The following DLG2 variants were observed in gnomAD, a reference collection of about 807,000 sequenced individuals.
DLG2 encodes discs large MAGUK scaffold protein 2.
DLG2 carries 45 observed loss-of-function variants against 132.5 expected under a neutral mutation model. The observed-to-expected ratio is 0.34, with a 90% CI of 0.27 to 0.44. The LOEUF (loss-of-function observed/expected upper bound fraction) is 0.44. Among genes scored for constraint, DLG2 ranks in the 20% least tolerant of loss-of-function variants. The pLI, the probability that DLG2 is intolerant of heterozygous loss-of-function variation, is 1.00. For synonymous variants in DLG2, 424 were observed against 419.6 expected (o/e 1.01, Z -0.13); for missense variants, 1,045 against 1,196.9 (o/e 0.87, Z 1.87).
Position 84,453,073 on chromosome 11 carries a change from A to G in DLG2, c.519+81497T>C, listed in dbSNP as rs533332085. On this transcript the variant is annotated intron_variant, in intron 7 of 27. Transcript: ENST00000376104. ...TATATCTACTATGTATAAATTTTCA[A>G]AAAAAAATAAATTTAAAAAAAGAAG... Among the ~76,000 whole-genome samples, 18 of 151,474 alleles carry G rather than the reference A, an allele frequency of 1.2e-4. 1 individual carries two copies. In the South Asian group the frequency reaches 3.5e-3, roughly 30 times the overall value.
At chr11:84,892,875 C>T (rs2089624607) in intron 6 of DLG2, among the ~76,000 whole-genome samples, 1 of 151,960 alleles carries the variant, frequency 6.6e-6, no homozygotes, top group Admixed American at 6.6e-5. Context: ...TATCATCATA[C>T]ACTAAAACAG....
At chr11:85,168,721 C>T (rs945830905) in intron 4 of DLG2, among the ~76,000 whole-genome samples, 5 of 151,916 alleles carry the variant, frequency 3.3e-5, no homozygotes, top group African/African-American at 7.3e-5. Flanking sequence ...AAAAATTTTG[C>T]AGAAATAGGA....
chr11:84,268,378 G>T (rs1227776900), intron 7 of DLG2, among the ~76,000 whole-genome samples: 1 of 151,722 alleles, frequency 6.6e-6, no homozygotes, highest in Non-Finnish European at 1.5e-5. Flanking sequence ...TAAGAATAAC[G>T]CTCTCTGAGG....
chr11:83,711,238 G>T (rs7950988), intron 18 of DLG2, among the ~76,000 whole-genome samples: 43,967 of 152,126 alleles, frequency 0.29, 8,212 homozygotes, highest in African/African-American at 0.53. Context: ...GATAAGCTGT[G>T]TAAAGGGACA....
intron 11 of DLG2, among the ~76,000 whole-genome samples, chr11:84,058,933 T>C (rs1197292516): frequency 6.6e-6 from 1 of 152,054 alleles, no homozygotes; most frequent in Non-Finnish European, 1.5e-5. Context: ...GTTATATTAG[T>C]ACAGATTATT....
intron 20 of DLG2, among the ~76,000 whole-genome samples, chr11:83,533,011 G>T (rs1011002105): frequency 6.6e-6 from 1 of 150,914 alleles, no homozygotes; most frequent in African/African-American, 2.4e-5. Flanking sequence ...TCACGTCATG[G>T]TATTTGTAAG....
At chr11:83,700,124 A>T (rs1273632433) in intron 18 of DLG2, among the ~76,000 whole-genome samples, 1 of 152,084 alleles carries the variant, frequency 6.6e-6, no homozygotes, top group Non-Finnish European at 1.5e-5. Flanking sequence ...TAAATAATAA[A>T]ATTAGGATAG....
rs573086362 is a variant in DLG2 at position 84,303,354 on chromosome 11, T to C, written c.520-52063A>G. ...TCAATGTTGACTGCTAACTGAATAG[T>C]GCAGCCTGTCAGAATAAAATGCAAA... On this transcript the variant is annotated intron_variant, in intron 7 of 27. Transcript: ENST00000376104. Among the ~76,000 whole-genome samples, 18 of 152,282 alleles carry C rather than the reference T, an allele frequency of 1.2e-4. No individual in the cohort carries two copies. In the South Asian group the frequency reaches 3.7e-3, roughly 32 times the overall value.
At chr11:84,984,084 T>C (rs1184050532) in intron 6 of DLG2, among the ~76,000 whole-genome samples, 1 of 152,162 alleles carries the variant, frequency 6.6e-6, no homozygotes, top group Non-Finnish European at 1.5e-5. Flanking sequence ...GAAAATATAT[T>C]TGGGGGAATA....
At chr11:84,029,841 A>C (rs2095643892) in intron 11 of DLG2, among the ~76,000 whole-genome samples, 1 of 152,136 alleles carries the variant, frequency 6.6e-6, no homozygotes, top group Non-Finnish European at 1.5e-5. Flanking sequence ...TTTCATAAGG[A>C]AACAACATAC....
chr11:85,049,600 T>C (rs1593239134), intron 6 of DLG2, among the ~76,000 whole-genome samples: 1 of 152,070 alleles, frequency 6.6e-6, no homozygotes, highest in Non-Finnish European at 1.5e-5. Flanking sequence ...ATAGCTGAAA[T>C]TGCTCAAAAT....
intron 3 of DLG2, among the ~76,000 whole-genome samples, chr11:85,432,831 C>A (rs982276948): frequency 1.3e-5 from 2 of 152,084 alleles, no homozygotes; most frequent in African/African-American, 4.8e-5. Flanking sequence ...GACTAAGATA[C>A]TCCACGAGAA....
intron 4 of DLG2, among the ~76,000 whole-genome samples, chr11:85,253,475 T>G (rs1595723482): frequency 6.6e-6 from 1 of 150,810 alleles, no homozygotes. Context: ...AGAGGGAGGG[T>G]GAATAGAAGC....
intron 6 of DLG2, among the ~76,000 whole-genome samples, chr11:84,953,290 A>G (rs1252391258): frequency 6.6e-6 from 1 of 152,128 alleles, no homozygotes; most frequent in East Asian, 1.9e-4. Flanking sequence ...CTCCAGCCAT[A>G]TCTTCTGCTA....
At chr11:83,485,907 A>C (rs1213683062) in intron 21 of DLG2, among the ~76,000 whole-genome samples, 1 of 152,162 alleles carries the variant, frequency 6.6e-6, no homozygotes, top group Non-Finnish European at 1.5e-5. Flanking sequence ...AAAGTAGTAG[A>C]GCTCAATTGT....
chr11:83,518,349 C>T (rs926172862), intron 21 of DLG2, among the ~76,000 whole-genome samples: 4 of 152,216 alleles, frequency 2.6e-5, no homozygotes, highest in South Asian at 2.1e-4. Flanking sequence ...CCTGGTGTGA[C>T]GTTTGCTAAG....
At chr11:84,533,163 A>G (rs1368202400) in intron 7 of DLG2, among the ~76,000 whole-genome samples, 1 of 152,240 alleles carries the variant, frequency 6.6e-6, no homozygotes, top group Non-Finnish European at 1.5e-5. Flanking sequence ...TTTTCTGAGT[A>G]GCTATAAATG....
At chr11:83,769,012 G>A (rs1265766759) in intron 18 of DLG2, among the ~76,000 whole-genome samples, 1 of 152,202 alleles carries the variant, frequency 6.6e-6, no homozygotes, top group Non-Finnish European at 1.5e-5. Context: ...AGTGCTTTGT[G>A]AGAATTAAAT....
At chr11:83,850,142 GTGTGTGTGTGTGTGTGTGT>G (rs2059417661) in intron 16 of DLG2, among the ~76,000 whole-genome samples, 1 of 131,232 alleles carries the variant, frequency 7.6e-6, no homozygotes, top group Non-Finnish European at 1.6e-5. Context: ...GTGTGTGTGT[GTGTGTGTGTGTGTGTGTGT>G]TTTTTTACTT....
Sources: allele counts gnomAD v4.1 joint callset (sites outside exome capture counted in the v4.1 genomes callset), GRCh38; gene constraint gnomAD v4.1.1; transcripts MANE v1.5; gene names NCBI Gene and HGNC (gene_info 2026-07-23, HGNC 2026-07-21).